LRP1B: variants seen among roughly 807,000 people sequenced by gnomAD.
LRP1B encodes the protein LDL receptor related protein 1B, also known as low-density lipoprotein receptor-related protein 1B.
A neutral mutation model predicts 556.6 loss-of-function variants in LRP1B; 217 were observed. That is an observed-to-expected ratio of 0.39 (90% CI 0.35 to 0.44). The LOEUF is 0.44. Ranked by LOEUF, LRP1B falls within the 20% of genes least tolerant of loss-of-function variation. LRP1B has a pLI of 1.00. For missense variants in LRP1B, 5,053 were observed against 5,620.8 expected, an observed-to-expected ratio of 0.90 and a Z score of 3.23; for synonymous variants, 2,047 against 1,865.8, an observed-to-expected ratio of 1.10 and a Z score of -2.50.
intron 57 of LRP1B, among the ~76,000 whole-genome samples, chr2:140,490,135 C>CTTTCATTT (rs1399369290): frequency 6.6e-6 from 1 of 152,044 alleles, no homozygotes; most frequent in East Asian, 1.9e-4. Context: ...CTATTTGCTT[C>CTTTCATTT]TTTCATTTCT....
chr2:140,688,952 T>A (rs1283182672), intron 41 of LRP1B, among the ~76,000 whole-genome samples: 3 of 152,172 alleles, frequency 2.0e-5, no homozygotes, highest in Admixed American at 1.3e-4. Flanking sequence ...AGCCCACAAA[T>A]AGTAGAATAA....
At chr2:141,583,246 G>C (rs1687016060) in intron 2 of LRP1B, among the ~76,000 whole-genome samples, 1 of 152,178 alleles carries the variant, frequency 6.6e-6, no homozygotes, top group South Asian at 2.1e-4. Context: ...TCTGGAATGA[G>C]TAGCAAGCTG....
At position 140,409,780 on chromosome 2, in the gene LRP1B, C is replaced by T. The variant is rs185201463; in HGVS notation, c.10415-23771G>A. On this transcript the variant is annotated intron_variant, in intron 66 of 90. Coordinates refer to ENST00000389484, the MANE Select transcript of LRP1B (RefSeq NM_018557.3). ...CCCAAAGCCCACAGCTCTTAAACTTCGGGACCAAGACTTGAATTCATGCCA... is the reference window on the plus strand; with the variant it reads ...CCCAAAGCCCACAGCTCTTAAACTTTGGGACCAAGACTTGAATTCATGCCA... Among the ~76,000 whole-genome samples the T allele has an allele frequency of 1.4e-3, 212 of 151,450 alleles. 2 individuals carry two copies. The East Asian group carries it at 0.033, about 24-fold the overall frequency.
At chr2:141,487,268 A>T (rs1412566977) in intron 2 of LRP1B, among the ~76,000 whole-genome samples, 1 of 152,176 alleles carries the variant, frequency 6.6e-6, no homozygotes, top group Non-Finnish European at 1.5e-5. Context: ...TCAAAATAAG[A>T]CTATGAGATA....
At chr2:141,425,618 G>C (rs971942929) in intron 3 of LRP1B, among the ~76,000 whole-genome samples, 1 of 148,774 alleles carries the variant, frequency 6.7e-6, no homozygotes, top group African/African-American at 2.5e-5. Flanking sequence ...CATTCTAACT[G>C]GTGTGAGATG....
At chr2:141,551,718 C>T (rs1393670398) in intron 2 of LRP1B, among the ~76,000 whole-genome samples, 2 of 151,994 alleles carry the variant, frequency 1.3e-5, no homozygotes. Flanking sequence ...ATTGGCTCTC[C>T]AAATTTGGCC....
At chr2:140,321,904 G>A (rs1680155545) in intron 82 of LRP1B, 59 bp downstream of exon 82, 1 of 1,492,984 alleles carries the variant, frequency 6.7e-7, no homozygotes, top group South Asian at 1.2e-5. Context: ...ATTTCACGAG[G>A]TGTGAAATTT....
At chr2:140,817,389 ATCTTT>A (rs1354847497) in intron 31 of LRP1B, among the ~76,000 whole-genome samples, 1 of 151,918 alleles carries the variant, frequency 6.6e-6, no homozygotes, top group African/African-American at 2.4e-5. Flanking sequence ...CTTTTTACTT[ATCTTT>A]TCTATTTTTA....
intron 3 of LRP1B, among the ~76,000 whole-genome samples, chr2:141,427,275 T>C (rs1466915414): frequency 6.6e-6 from 1 of 152,210 alleles, no homozygotes; most frequent in African/African-American, 2.4e-5. Flanking sequence ...TAATGTATTA[T>C]AGTACAATAA....
At chr2:141,395,600 T>C (rs556195566) in intron 3 of LRP1B, among the ~76,000 whole-genome samples, 1 of 152,218 alleles carries the variant, frequency 6.6e-6, no homozygotes, top group South Asian at 2.1e-4. Flanking sequence ...TTTGACACGA[T>C]GAGGATCCCA....
chr2:140,687,382 T>C (rs567059980), intron 41 of LRP1B, among the ~76,000 whole-genome samples: 23 of 152,302 alleles, frequency 1.5e-4, no homozygotes, highest in Admixed American at 9.2e-4. Flanking sequence ...AAGTATTCAA[T>C]TGAATATGGC....
At chr2:141,504,379 G>A (rs927069009) in intron 2 of LRP1B, among the ~76,000 whole-genome samples, 32 of 151,960 alleles carry the variant, frequency 2.1e-4, no homozygotes, top group African/African-American at 7.0e-4. Context: ...TTACAACTTC[G>A]GCTTGTAGAT....
chr2:140,614,932 C>T (rs1368426663), intron 41 of LRP1B, among the ~76,000 whole-genome samples: 1 of 152,182 alleles, frequency 6.6e-6, no homozygotes, highest in Admixed American at 6.5e-5. Flanking sequence ...TGCCATTGTT[C>T]ATTCCTGGGC....
chr2:141,377,960 A>T (rs1299940983), intron 3 of LRP1B, among the ~76,000 whole-genome samples: 2 of 152,184 alleles, frequency 1.3e-5, no homozygotes, highest in Non-Finnish European at 2.9e-5. Context: ...GCTTTTAATA[A>T]ATGCTGGCTT....
intron 23 of LRP1B, among the ~76,000 whole-genome samples, chr2:140,888,261 G>T (rs556100691): frequency 6.6e-6 from 1 of 152,064 alleles, no homozygotes; most frequent in Admixed American, 6.6e-5. Flanking sequence ...TCTTTTCTGT[G>T]CATTTGAGTT....
intron 3 of LRP1B, among the ~76,000 whole-genome samples, chr2:141,400,171 G>A (rs1690398764): frequency 6.6e-6 from 1 of 151,976 alleles, no homozygotes; most frequent in Admixed American, 6.6e-5. Flanking sequence ...GTAGAAACAG[G>A]GTCTATGTTG....
intron 2 of LRP1B, among the ~76,000 whole-genome samples, chr2:141,519,859 C>A (rs1433927787): frequency 6.6e-6 from 1 of 152,192 alleles, no homozygotes; most frequent in East Asian, 1.9e-4. Context: ...TATGCTTGGC[C>A]TTTTTACACT....
chr2:140,995,665 G>C (rs898829798), intron 15 of LRP1B, among the ~76,000 whole-genome samples: 1 of 151,974 alleles, frequency 6.6e-6, no homozygotes, highest in South Asian at 2.1e-4. Context: ...ACACAGCTTT[G>C]ATGGCTATAA....
intron 2 of LRP1B, among the ~76,000 whole-genome samples, chr2:141,742,620 T>C (rs1164405290): frequency 2.0e-5 from 3 of 152,142 alleles, no homozygotes; most frequent in South Asian, 2.1e-4. Context: ...TGATTCCATA[T>C]ACATTTTAGG....
Sources: gnomAD v4.1 joint callset for allele counts (sites outside exome capture counted in the v4.1 genomes callset) on GRCh38, gnomAD v4.1.1 for gene constraint, MANE v1.5 for transcripts, NCBI Gene and HGNC (gene_info 2026-07-23, HGNC 2026-07-21) for gene names.